The following PRR5L variants were observed in gnomAD, a reference collection of about 807,000 sequenced individuals.
PRR5L encodes proline-rich protein 5-like.
A neutral mutation model predicts 36.4 loss-of-function variants in PRR5L; 21 were observed. The ratio of observed to expected loss-of-function variants is 0.58; its 90% CI spans 0.41 to 0.83. The LOEUF (loss-of-function observed/expected upper bound fraction) is 0.83, where lower values mean the gene tolerates loss of function less well. PRR5L is among the 40% of genes least tolerant of loss of function. The probability of loss-of-function intolerance (pLI) is 0.00; values close to 1 mark genes in which losing one functional copy is unlikely to be tolerated. For missense variants in PRR5L, 381 were observed against 473.3 expected, an observed-to-expected ratio of 0.80 and a Z score of 1.81; for synonymous variants, 188 against 197.0, an observed-to-expected ratio of 0.95 and a Z score of 0.38.
chr11:36,311,038 T>C lies in PRR5L; in HGVS notation c.-126+14600T>C, dbSNP rs1856497122. On this transcript the variant is annotated intron_variant, in intron 1 of 8. Transcript: ENST00000530639. ...AAAAGAATGTTCCCAGGAATATCAG[T>C]CCTGAATTTTCTGGCCTTCCATGTG... 5.4e-5 allele frequency among the ~76,000 whole-genome samples: 8 copies of C among 149,070 alleles called. No homozygotes were observed. The Middle Eastern group carries it at 0.014, about 264-fold the overall frequency.
chr11:36,450,564 A>G (rs538784596), intron 7 of PRR5L, among the ~76,000 whole-genome samples: 2 of 152,288 alleles, frequency 1.3e-5, no homozygotes, highest in Admixed American at 6.5e-5. Context: ...TTGGCTCTTC[A>G]TCTTGGCGCT....
chr11:36,443,694 T>G (rs1199991374), intron 6 of PRR5L, among the ~76,000 whole-genome samples: 1 of 152,232 alleles, frequency 6.6e-6, no homozygotes, highest in Non-Finnish European at 1.5e-5. Flanking sequence ...TAAAATGTGT[T>G]GGAATCACAG....
At chr11:36,382,818 G>A (rs967445748) in intron 1 of PRR5L, among the ~76,000 whole-genome samples, 1 of 152,174 alleles carries the variant, frequency 6.6e-6, no homozygotes, top group South Asian at 2.1e-4. Context: ...GAGGACATTG[G>A]TCTAGACCAG....
chr11:36,424,857 T>G (rs552699277), intron 4 of PRR5L, among the ~76,000 whole-genome samples: 2 of 152,060 alleles, frequency 1.3e-5, no homozygotes, highest in Non-Finnish European at 2.9e-5. Context: ...GTCTTGCTCT[T>G]GTCACCCAGG....
chr11:36,380,522 T>A (rs1490499876), intron 1 of PRR5L: 1 of 152,174 alleles, frequency 6.6e-6, no homozygotes, highest in South Asian at 2.1e-4. Flanking sequence ...TTTGCCAGTT[T>A]ATGGCCTTTG....
At chr11:36,308,329 C>T (rs943458393) in intron 1 of PRR5L, among the ~76,000 whole-genome samples, 1 of 152,176 alleles carries the variant, frequency 6.6e-6, no homozygotes, top group African/African-American at 2.4e-5. Context: ...TGCTCTTTCT[C>T]TCTATCTTCA....
chr11:36,418,689 G>A (rs1037170632), intron 3 of PRR5L, among the ~76,000 whole-genome samples: 4 of 152,022 alleles, frequency 2.6e-5, no homozygotes, highest in Non-Finnish European at 5.9e-5. Context: ...CCAGCTACTC[G>A]GGAGGCTGAG....
In PRR5L at chr11:36,462,559, G is replaced by A. The variant is rs750898919; in HGVS notation, c.930G>A (p.Ser310=). The A allele has an allele frequency of 9.9e-6, 16 of 1,612,384 alleles. No individual in the cohort carries two copies. The highest frequency in any genetic ancestry group is 2.2e-5 in the East Asian group (1 of 44,862). The change falls in exon 9 of 9, where the codon TCG becomes TCA. Residue 310 remains serine (S), a synonymous_variant. Transcript: ENST00000530639. ...TGGCCATGGCCACCATGATGCACTC[G>A]GGCCTGGGGGAGGAGGCCAGCAGTG... ...QLLAMATMMH[S]GLGEEASSEN... is the part of the protein sequence containing the mutation.
rs3812774 is a variant in PRR5L, at chr11:36,377,781, G to T, written c.-125-23216G>T. Reference sequence around the variant, plus strand: ...CGGTGCGCAAGGTTTCAATTACTGCGATGCGCCCCACAAGACGAAAGGTTC... The same window carrying T: ...CGGTGCGCAAGGTTTCAATTACTGCTATGCGCCCCACAAGACGAAAGGTTC... On this transcript the variant is annotated intron_variant, in intron 1 of 8. Coordinates refer to ENST00000530639, the MANE Select transcript of PRR5L (RefSeq NM_001160167.2). The surrounding 1 kb of genome is among the most constrained non-coding windows in gnomAD (Gnocchi z 5.1). The T allele has an allele frequency of 6.6e-6, 1 of 152,216 alleles. No homozygotes were observed. The highest frequency in any genetic ancestry group is 1.5e-5 in the Non-Finnish European group (1 of 68,072). The allele number at this position is 152,216 out of a possible 1,614,324, so 9.4% of individuals were successfully genotyped here.
chr11:36,450,123 CCTGTTTCCTTGGCAG>C (rs1858913629), intron 7 of PRR5L, among the ~76,000 whole-genome samples: 1 of 152,152 alleles, frequency 6.6e-6, no homozygotes, highest in African/African-American at 2.4e-5. Flanking sequence ...CAAGGAAGAG[CCTGTTTCCTTGGCAG>C]CTTACATCTC....
intron 1 of PRR5L, among the ~76,000 whole-genome samples, chr11:36,329,510 C>T (rs979179272): frequency 6.6e-6 from 1 of 152,158 alleles, no homozygotes; most frequent in African/African-American, 2.4e-5. Flanking sequence ...CATAGTTTTC[C>T]ACTGCATATA....
In PRR5L at chr11:36,343,007, C is replaced by G. The variant is rs372916371; in HGVS notation, c.-126+46569C>G. Among the ~76,000 whole-genome samples the G allele has an allele frequency of 9.2e-5, 14 of 152,212 alleles. No individual in the cohort carries two copies. The East Asian group carries it at 2.5e-3, about 27-fold the overall frequency. On this transcript the variant is annotated intron_variant, in intron 1 of 8. Transcript: ENST00000530639. ...GAAAGGCAAGAACAATTTGATGTTT[C>G]GAGGAGATCATGGTTTTGCAAAAGC...
chr11:36,462,254 C>T (rs1590618450), intron 8 of PRR5L, 88 bp from the exon 9 acceptor site: 2 of 1,348,834 alleles, frequency 1.5e-6, no homozygotes, highest in East Asian at 5.0e-5. Flanking sequence ...GGTTGAGCAC[C>T]TTGTTCTTTT....
intron 8 of PRR5L, among the ~76,000 whole-genome samples, chr11:36,457,971 T>C (rs1859099785): frequency 1.3e-5 from 2 of 152,198 alleles, no homozygotes; most frequent in Non-Finnish European, 2.9e-5. Context: ...GTGCTTCTGT[T>C]TTATAGTTAT....
chr11:36,317,380 A>C (rs1856568077), intron 1 of PRR5L, among the ~76,000 whole-genome samples: 1 of 152,228 alleles, frequency 6.6e-6, no homozygotes, highest in Non-Finnish European at 1.5e-5. Flanking sequence ...TGTCTAGTAG[A>C]ATTGTGAGGA....
intron 1 of PRR5L, among the ~76,000 whole-genome samples, chr11:36,319,721 T>C (rs1856594536): frequency 6.6e-6 from 1 of 151,802 alleles, no homozygotes; most frequent in Non-Finnish European, 1.5e-5. Context: ...TTGGCTTGGG[T>C]TTCCTAACAC....
intron 1 of PRR5L, chr11:36,381,646 T>C (rs922834131): frequency 1.3e-5 from 2 of 152,134 alleles, no homozygotes; most frequent in Admixed American, 6.5e-5. Context: ...CCAGATGTCT[T>C]TGAGGAGACC....
chr11:36,328,147 T>C (rs527574481), intron 1 of PRR5L, among the ~76,000 whole-genome samples: 1 of 152,214 alleles, frequency 6.6e-6, no homozygotes, highest in South Asian at 2.1e-4. Flanking sequence ...TAAAAAGCAG[T>C]TAGAATTTGG....
At chr11:36,405,468 C>A (rs1302766224) in intron 3 of PRR5L, among the ~76,000 whole-genome samples, 1 of 152,172 alleles carries the variant, frequency 6.6e-6, no homozygotes, top group African/African-American at 2.4e-5. Context: ...ATTGGGGAGG[C>A]ATTGCTGCTT....
Sources: gnomAD v4.1 joint callset for allele counts (sites outside exome capture counted in the v4.1 genomes callset) on GRCh38, gnomAD v4.1.1 for gene constraint, Gnocchi (gnomAD v3.1) non-coding constraint, MANE v1.5 for transcripts, NCBI Gene and HGNC (gene_info 2026-07-23, HGNC 2026-07-21) for gene names.